Variants in PTAFR observed in about 807,000 individuals in gnomAD.
PTAFR encodes the protein platelet-activating factor receptor.
In PTAFR, 8 loss-of-function variants were observed where a neutral mutation model predicts 14.7. The ratio of observed to expected loss-of-function variants is 0.54; its 90% confidence interval spans 0.32 to 0.98. PTAFR has a LOEUF of 0.98. Among genes scored for constraint, PTAFR ranks in the 50% least tolerant of loss-of-function variants. The pLI, the probability that PTAFR is intolerant of heterozygous loss-of-function variation, is 0.04. For synonymous variants in PTAFR, 156 were observed against 176.5 expected (o/e 0.88, Z 0.92); for missense variants, 337 against 451.2 (o/e 0.75, Z 2.29).
At chr1:28,170,318 G>A (rs930957671) in intron 1 of PTAFR, among the ~76,000 whole-genome samples, 5 of 152,018 alleles carry the variant, frequency 3.3e-5, no homozygotes, top group Admixed American at 6.6e-5. Flanking sequence ...CTCACTCTTC[G>A]CTTCCAAACT....
upstream of PTAFR, among the ~76,000 whole-genome samples, chr1:28,180,642 C>T (rs964273883): frequency 2.0e-5 from 3 of 152,096 alleles, no homozygotes; most frequent in African/African-American, 7.2e-5. Flanking sequence ...GAGGAGAAAG[C>T]AGAAGATATC....
At chr1:28,189,513 T>C (rs1646633802) in intron 1 of PTAFR, among the ~76,000 whole-genome samples, 1 of 151,664 alleles carries the variant, frequency 6.6e-6, no homozygotes, top group Non-Finnish European at 1.5e-5. Flanking sequence ...CTCATGAGGC[T>C]GAGGCAGGAG....
intron 1 of PTAFR, among the ~76,000 whole-genome samples, chr1:28,161,024 C>T (rs762678289): frequency 2.6e-4 from 39 of 152,294 alleles, no homozygotes; most frequent in Non-Finnish European, 5.4e-4. Flanking sequence ...ACTTTCATTA[C>T]TTTATTCATG....
intron 1 of PTAFR, among the ~76,000 whole-genome samples, chr1:28,192,331 G>A (rs577548664): frequency 8.4e-4 from 128 of 151,994 alleles, no homozygotes; most frequent in African/African-American, 2.8e-3. Context: ...AGACCGAGGC[G>A]GGTGGATCAC....
chr1:28,177,274 G>A (rs1646525197), upstream of PTAFR: 2 of 152,532 alleles, frequency 1.3e-5, no homozygotes, highest in African/African-American at 4.8e-5. Flanking sequence ...ATGCCCGCTG[G>A]GATATAAAGT....
In PTAFR at chr1:28,148,452, T is replaced by G. The variant is rs1263950866; in HGVS notation, c.*1541A>C. On this transcript the variant is annotated 3_prime_UTR_variant, in exon 2 of 2. Coordinates refer to ENST00000373857, the MANE Select transcript of PTAFR (RefSeq NM_000952.5). ...GAAGCCCCTGGACATCGGGGTGTCC[T>G]GGCCTGGACAGCTCCAATTTTGCCT... 1 of 152,458 alleles carries G rather than the reference T, an allele frequency of 6.6e-6. No homozygotes were observed. The highest frequency in any genetic ancestry group is 2.4e-5 in the African/African-American group (1 of 41,460). 9.4% of individuals were successfully genotyped at this position (152,458 alleles called of 1,614,324 possible). A position where few individuals can be genotyped will look rare whatever the true frequency, so the allele number is the denominator to read the frequency against.
At chr1:28,189,099 A>G (rs1053471469) in intron 1 of PTAFR, among the ~76,000 whole-genome samples, 1 of 152,280 alleles carries the variant, frequency 6.6e-6, no homozygotes, top group Non-Finnish European at 1.5e-5. Flanking sequence ...TTGGAAGTTA[A>G]TTTCATAATC....
intron 1 of PTAFR, among the ~76,000 whole-genome samples, chr1:28,159,476 C>T (rs572374122): frequency 2.6e-5 from 4 of 152,210 alleles, no homozygotes; most frequent in African/African-American, 9.6e-5. Context: ...ACAGGGAGAG[C>T]AGTTGCCCAG....
At chr1:28,173,360 C>T (rs1348087656) in intron 1 of PTAFR, among the ~76,000 whole-genome samples, 1 of 151,096 alleles carries the variant, frequency 6.6e-6, no homozygotes, top group Non-Finnish European at 1.5e-5. Flanking sequence ...AATCCCAGCA[C>T]TTTGGGAGGC....
chr1:28,167,551 C>T (rs546033723), intron 1 of PTAFR, among the ~76,000 whole-genome samples: 66 of 147,378 alleles, frequency 4.5e-4, no homozygotes, highest in Admixed American at 2.9e-3. Flanking sequence ...AGAAGCTCCT[C>T]AAAAAACTAA....
At chr1:28,185,163 C>T (rs942167689) in intron 1 of PTAFR, among the ~76,000 whole-genome samples, 4 of 152,138 alleles carry the variant, frequency 2.6e-5, no homozygotes, top group Non-Finnish European at 5.9e-5. Flanking sequence ...TATTTATTTA[C>T]TTTGCTCATT....
At chr1:28,171,621 G>A (rs944564367) in intron 1 of PTAFR, among the ~76,000 whole-genome samples, 1 of 152,090 alleles carries the variant, frequency 6.6e-6, no homozygotes, top group African/African-American at 2.4e-5. Flanking sequence ...AATTCCCAGC[G>A]CAAGGGACCA....
chr1:28,152,087 G>A (rs1413965938), intron 1 of PTAFR, among the ~76,000 whole-genome samples: 1 of 152,080 alleles, frequency 6.6e-6, no homozygotes, highest in African/African-American at 2.4e-5. Context: ...TGTAGGGAAG[G>A]GGTTTTGCTA....
upstream of PTAFR, among the ~76,000 whole-genome samples, chr1:28,180,945 A>G (rs879394989): frequency 7.2e-5 from 11 of 152,002 alleles, no homozygotes; most frequent in Admixed American, 7.2e-4. Context: ...GTGGCAAAAT[A>G]TTTATTTTAT....
At chr1:28,181,200 A>C (rs1646560339), upstream of PTAFR, among the ~76,000 whole-genome samples, 1 of 152,170 alleles carries the variant, frequency 6.6e-6, no homozygotes, top group African/African-American at 2.4e-5. Flanking sequence ...CAGCCACAGG[A>C]AACTACCACA....
In PTAFR at chr1:28,148,093, G is replaced by A. The variant is rs552636571; in HGVS notation, c.*1900C>T. 1.3e-4 allele frequency: 20 copies of A among 152,354 alleles called. No individual in the cohort carries two copies. The highest frequency in any genetic ancestry group is 4.6e-4 in the African/African-American group (19 of 41,552). 9.4% of individuals were successfully genotyped at this position (152,354 alleles called of 1,614,324 possible). A position where few individuals can be genotyped will look rare whatever the true frequency, so the allele number is the denominator to read the frequency against. On this transcript the variant is annotated 3_prime_UTR_variant, in exon 2 of 2. Coordinates refer to ENST00000373857, the MANE Select transcript of PTAFR (RefSeq NM_000952.5). The stretch of plus-strand genomic sequence containing the variant: ...CACAGGGACACTGACTGGAAGGAAG[G>A]AAGACTTCTCTGAAGGAGCACAGAG...
At chr1:28,153,781 T>C (rs1646225631) in intron 1 of PTAFR, among the ~76,000 whole-genome samples, 1 of 151,408 alleles carries the variant, frequency 6.6e-6, no homozygotes, top group South Asian at 2.1e-4. Flanking sequence ...CCAGCCACTC[T>C]GGAGGCCGAG....
At chr1:28,184,094 T>TG (rs1646585784) in intron 1 of PTAFR, among the ~76,000 whole-genome samples, 1 of 88,002 alleles carries the variant, frequency 1.1e-5, no homozygotes, top group Non-Finnish European at 2.6e-5. Context: ...TTTTTTTTTT[T>TG]TTTTTTTTTT....
upstream of PTAFR, among the ~76,000 whole-genome samples, chr1:28,178,270 AT>A (rs1356729272): frequency 2.0e-5 from 3 of 151,138 alleles, no homozygotes; most frequent in East Asian, 5.9e-4. Context: ...TTTATTTTTT[AT>A]TTTTTTTGAG....
Sources: gnomAD v4.1 joint callset for allele counts (sites outside exome capture counted in the v4.1 genomes callset) on GRCh38, gnomAD v4.1.1 for gene constraint, MANE v1.5 for transcripts, NCBI Gene and HGNC (gene_info 2026-07-23, HGNC 2026-07-21) for gene names.